Variants in PCDH15 observed in about 807,000 individuals in gnomAD.
PCDH15 encodes protocadherin-15.
In PCDH15, 129 loss-of-function variants were observed where a neutral mutation model predicts 178.5. The observed-to-expected ratio is 0.72, with a 90% CI of 0.63 to 0.84. The LOEUF is 0.84. PCDH15 is among the 40% of genes least tolerant of loss of function. The pLI is 0.00. For synonymous variants in PCDH15, 800 were observed against 732.0 expected (o/e 1.09, Z -1.50); for missense variants, 2,230 against 2,099.9 (o/e 1.06, Z -1.21).
intron 18 of PCDH15, among the ~76,000 whole-genome samples, chr10:54,052,976 G>T (rs988782420): frequency 6.6e-6 from 1 of 152,120 alleles, no homozygotes; most frequent in Admixed American, 6.5e-5. Context: ...GGACACATTT[G>T]CTTCCTCTTC....
At chr10:54,659,842 G>A (rs1372512544) in intron 2 of PCDH15, among the ~76,000 whole-genome samples, 2 of 151,206 alleles carry the variant, frequency 1.3e-5, no homozygotes, top group Non-Finnish European at 2.9e-5. Flanking sequence ...ATGATTTTAG[G>A]CTAAACAAGA....
At chr10:54,576,995 AC>A (rs2090540014) in intron 2 of PCDH15, among the ~76,000 whole-genome samples, 1 of 152,182 alleles carries the variant, frequency 6.6e-6, no homozygotes, top group Non-Finnish European at 1.5e-5. Context: ...AAAAATGTCT[AC>A]ATTGATGGCT....
chr10:53,999,253 G>A (rs1195878578), intron 20 of PCDH15, among the ~76,000 whole-genome samples: 1 of 152,066 alleles, frequency 6.6e-6, no homozygotes, highest in Non-Finnish European at 1.5e-5. Flanking sequence ...GAGGTTTATG[G>A]AGCCGATACC....
At chr10:55,171,921 AAT>A (rs1839344500) in intron 1 of PCDH15, among the ~76,000 whole-genome samples, 1 of 152,056 alleles carries the variant, frequency 6.6e-6, no homozygotes, top group Non-Finnish European at 1.5e-5. Flanking sequence ...AGAAAAAAAA[AAT>A]CAATGCCAAC....
intron 2 of PCDH15, among the ~76,000 whole-genome samples, chr10:54,599,041 A>G (rs2092386727): frequency 6.6e-6 from 1 of 152,100 alleles, no homozygotes; most frequent in African/African-American, 2.4e-5. Flanking sequence ...GGTTAAAATG[A>G]CCATATTGCC....
chr10:54,780,055 G>T (rs2133390398), intron 1 of PCDH15, among the ~76,000 whole-genome samples: 1 of 152,206 alleles, frequency 6.6e-6, no homozygotes, highest in South Asian at 2.1e-4. Flanking sequence ...GGGGTGGTTT[G>T]CTTGAATTCT....
intron 1 of PCDH15, among the ~76,000 whole-genome samples, chr10:55,268,778 G>A (rs1842365764): frequency 6.6e-6 from 1 of 151,994 alleles, no homozygotes; most frequent in Non-Finnish European, 1.5e-5. Context: ...AGCCATCTCT[G>A]GAAATATACC....
chr10:55,122,406 T>A (rs1424512157), intron 2 of PCDH15, among the ~76,000 whole-genome samples: 1 of 152,124 alleles, frequency 6.6e-6, no homozygotes, highest in Non-Finnish European at 1.5e-5. Flanking sequence ...GTGGGCAAGA[T>A]GGGGATTTTT....
At chr10:54,046,610 T>C (rs1428878651) in intron 18 of PCDH15, among the ~76,000 whole-genome samples, 1 of 79,738 alleles carries the variant, frequency 1.3e-5, no homozygotes, top group Non-Finnish European at 3.2e-5. Context: ...AGATGGTAAA[T>C]GTGCAACAAA....
chr10:54,360,012 C>T (rs1945742319), intron 5 of PCDH15, among the ~76,000 whole-genome samples: 1 of 152,066 alleles, frequency 6.6e-6, no homozygotes, highest in African/African-American at 2.4e-5. Context: ...CTGGTCTAAT[C>T]ATCCCACAGA....
At chr10:54,022,673 A>G (rs934956054) in intron 19 of PCDH15, among the ~76,000 whole-genome samples, 2 of 152,158 alleles carry the variant, frequency 1.3e-5, no homozygotes, top group Non-Finnish European at 2.9e-5. Flanking sequence ...TTACAAATAG[A>G]TCTTTCTGCC....
intron 1 of PCDH15, among the ~76,000 whole-genome samples, chr10:55,205,956 A>G (rs1170719561): frequency 6.6e-5 from 10 of 151,972 alleles, no homozygotes; most frequent in African/African-American, 2.2e-4. Flanking sequence ...CCCTGTTCTT[A>G]AAACTATCAG....
chr10:53,961,203 T>G (rs1199715347), intron 22 of PCDH15, among the ~76,000 whole-genome samples: 1 of 152,078 alleles, frequency 6.6e-6, no homozygotes, highest in Admixed American at 6.6e-5. Context: ...AGGGGTATTT[T>G]TTTCAAATTT....
At chr10:54,186,141 A>C (rs893665513) in intron 11 of PCDH15, among the ~76,000 whole-genome samples, 1 of 152,078 alleles carries the variant, frequency 6.6e-6, no homozygotes, top group Non-Finnish European at 1.5e-5. Context: ...GAAAAAAGGA[A>C]TATTCAGAGA....
At chr10:53,973,447 AT>A (rs1320948246) in intron 21 of PCDH15, among the ~76,000 whole-genome samples, 7 of 152,212 alleles carry the variant, frequency 4.6e-5, no homozygotes, top group African/African-American at 1.2e-4. Context: ...TATTAAAAAA[AT>A]AAATTAAAAA....
At chr10:53,816,212 G>A (rs1032339691) in intron 35 of PCDH15, 27 bp downstream of exon 35, 6 of 398,616 alleles carry the variant, frequency 1.5e-5, no homozygotes, top group Non-Finnish European at 2.7e-5. Context: ...GGCTCAGTGA[G>A]GTTGAAAAGA....
In PCDH15 at chr10:54,717,638, T is replaced by C. The variant is rs1011413604; in HGVS notation, c.-28-53348A>G. Among the ~76,000 whole-genome samples the C allele has an allele frequency of 5.4e-5, 7 of 130,476 alleles. 1 individual carries two copies. Among genetic ancestry groups the C allele is most frequent in the South Asian group, 2.5e-4 (1 of 4,068 alleles). 85.6% of individuals were successfully genotyped at this position (130,476 alleles called of 152,430 possible). On this transcript the variant is annotated intron_variant, in intron 1 of 37. Transcript: ENST00000644397. ...AGGTGCTGGAGAGGATGTGGAGAAA[T>C]AGGAACACTTTTACACTGTTGGTGG...
chr10:54,091,982 C>T (rs1381831769), intron 15 of PCDH15, among the ~76,000 whole-genome samples: 1 of 152,132 alleles, frequency 6.6e-6, no homozygotes, highest in African/African-American at 2.4e-5. Flanking sequence ...CATGGATCCA[C>T]ATTAGATGAA....
intron 2 of PCDH15, among the ~76,000 whole-genome samples, chr10:55,435,164 G>C (rs1185996954): frequency 6.6e-6 from 1 of 151,892 alleles, no homozygotes; most frequent in African/African-American, 2.4e-5. Context: ...GCTTTTGTGG[G>C]GTAAAGAAAA....
Sources: gnomAD v4.1 joint callset for allele counts (sites outside exome capture counted in the v4.1 genomes callset) on GRCh38, gnomAD v4.1.1 for gene constraint, MANE v1.5 for transcripts, NCBI Gene and HGNC (gene_info 2026-07-23, HGNC 2026-07-21) for gene names.